The following FAT3 variants were observed in gnomAD, a reference collection of about 807,000 sequenced individuals.
FAT3 encodes FAT atypical cadherin 3, also known as protocadherin Fat 3.
Under a neutral mutation model 310.2 loss-of-function variants are expected in FAT3, and 95 were observed. The observed-to-expected ratio is 0.31, with a 90% CI of 0.26 to 0.36. FAT3 has a LOEUF of 0.36. Ranked by LOEUF, FAT3 falls within the 10% of genes least tolerant of loss-of-function variation. The probability of loss-of-function intolerance (pLI) is 1.00; values close to 1 mark genes in which losing one functional copy is unlikely to be tolerated. For missense variants in FAT3, 5,408 were observed against 5,715.6 expected (o/e 0.95, Z 1.74); for synonymous variants, 2,314 against 2,192.9 (o/e 1.06, Z -1.54).
At chr11:92,668,387 G>C (rs566150000) in intron 3 of FAT3, among the ~76,000 whole-genome samples, 3 of 152,308 alleles carry the variant, frequency 2.0e-5, no homozygotes, top group African/African-American at 7.2e-5. Flanking sequence ...GGAGATTCAG[G>C]ATAGGATATC....
Position 92,891,256 on chromosome 11 carries a change from C to G in FAT3, c.*143C>G. On this transcript the variant is annotated 3_prime_UTR_variant, in exon 28 of 28. Coordinates refer to ENST00000525166, the MANE Select transcript of FAT3 (RefSeq NM_001367949.2). The stretch of plus-strand genomic sequence containing the variant: ...ACTAGAAACTTCTTCACAAGTCATA[C>G]TGTCCCAACAAGCAAGCTTGATTCC... 8.7e-7 allele frequency: 1 copy of G among 1,150,766 alleles called. No individual in the cohort carries two copies. The highest frequency in any genetic ancestry group is 2.6e-5 in the East Asian group (1 of 38,730). 71.3% of individuals were successfully genotyped at this position (1,150,766 alleles called of 1,614,324 possible).
intron 1 of FAT3, among the ~76,000 whole-genome samples, chr11:92,337,582 C>T (rs1948122778): frequency 6.6e-6 from 1 of 152,178 alleles, no homozygotes; most frequent in African/African-American, 2.4e-5. Context: ...CAGCTGCCTG[C>T]CACCACGCCC....
intron 3 of FAT3, among the ~76,000 whole-genome samples, chr11:92,645,960 C>G (rs1041805460): frequency 3.3e-5 from 5 of 152,152 alleles, no homozygotes; most frequent in Non-Finnish European, 7.3e-5. Context: ...ATCATGTATT[C>G]TACTTCATTT....
intron 2 of FAT3, among the ~76,000 whole-genome samples, chr11:92,383,162 A>G (rs555422896): frequency 1.3e-4 from 20 of 152,324 alleles, no homozygotes; most frequent in South Asian, 4.1e-4. Flanking sequence ...TGCACAGGAC[A>G]TGATCTCGTT....
At chr11:92,559,484 A>C in intron 3 of FAT3, 1 of 380,222 alleles carries the variant, frequency 2.6e-6, no homozygotes, top group Non-Finnish European at 5.3e-6. Flanking sequence ...TCCTGGATTC[A>C]AGGGATACCC....
intron 3 of FAT3, among the ~76,000 whole-genome samples, chr11:92,561,965 C>T (rs545818074): frequency 1.3e-5 from 2 of 152,212 alleles, no homozygotes; most frequent in East Asian, 3.9e-4. Context: ...AAGAACGTCT[C>T]CTGCTCATGA....
chr11:92,745,691 A>T (rs571424225), intron 4 of FAT3, among the ~76,000 whole-genome samples: 117 of 152,262 alleles, frequency 7.7e-4, no homozygotes, highest in South Asian at 4.6e-3. Context: ...GCTGCTGCCA[A>T]AGTGAATTGG....
intron 3 of FAT3, among the ~76,000 whole-genome samples, chr11:92,659,674 C>T (rs969313075): frequency 2.0e-5 from 3 of 152,148 alleles, no homozygotes; most frequent in African/African-American, 7.2e-5. Context: ...TAGGTTCAGA[C>T]CCTCTAGAGC....
At chr11:92,660,760 A>T (rs1311409788) in intron 3 of FAT3, among the ~76,000 whole-genome samples, 1 of 152,208 alleles carries the variant, frequency 6.6e-6, no homozygotes, top group Non-Finnish European at 1.5e-5. Flanking sequence ...TGGCTTTGAG[A>T]CAAAGGTAAA....
chr11:92,442,112 T>TATATATATATATATATA (rs1491214555), intron 2 of FAT3, among the ~76,000 whole-genome samples: 1 of 9,934 alleles, frequency 1.0e-4, no homozygotes, highest in African/African-American at 2.1e-4. Context: ...TATATATATA[T>TATATATATATATATATA]TTTTTTTTTT....
intron 2 of FAT3, among the ~76,000 whole-genome samples, chr11:92,401,723 A>C (rs1429793029): frequency 6.6e-6 from 1 of 152,222 alleles, no homozygotes; most frequent in Non-Finnish European, 1.5e-5. Context: ...GAAAAGCTGC[A>C]AGGAACAGAC....
chr11:92,864,270 A>AAAACTTAGAGAGTTT (rs1949184668), intron 21 of FAT3, among the ~76,000 whole-genome samples: 1 of 152,106 alleles, frequency 6.6e-6, no homozygotes, highest in Non-Finnish European at 1.5e-5. Context: ...ACTTAGATAA[A>AAAACTTAGAGAGTTT]TTGCACTCTC....
At chr11:92,581,909 G>T (rs916637110) in intron 3 of FAT3, among the ~76,000 whole-genome samples, 5 of 152,082 alleles carry the variant, frequency 3.3e-5, no homozygotes, top group Non-Finnish European at 7.4e-5. Context: ...TGAGTCCATA[G>T]AGTAAAGTGA....
chr11:92,623,448 A>G (rs1681866264), intron 3 of FAT3, among the ~76,000 whole-genome samples: 2 of 152,198 alleles, frequency 1.3e-5, no homozygotes, highest in Admixed American at 6.5e-5. Flanking sequence ...CTGGTCTTAA[A>G]TCAGTTAGAT....
intron 3 of FAT3, among the ~76,000 whole-genome samples, chr11:92,629,290 C>T (rs746027590): frequency 6.6e-6 from 1 of 152,072 alleles, no homozygotes; most frequent in Non-Finnish European, 1.5e-5. Flanking sequence ...TAAAGGGAAA[C>T]TGAAAGAAGA....
At chr11:92,262,106 T>TAACACAG (rs1467794111) in intron 1 of FAT3, among the ~76,000 whole-genome samples, 1 of 152,046 alleles carries the variant, frequency 6.6e-6, no homozygotes, top group Non-Finnish European at 1.5e-5. Context: ...AGCTTTCACT[T>TAACACAG]AACACAGAGG....
At chr11:92,585,624 T>C (rs1433953538) in intron 3 of FAT3, among the ~76,000 whole-genome samples, 2 of 152,034 alleles carry the variant, frequency 1.3e-5, no homozygotes, top group African/African-American at 4.8e-5. Context: ...GATGGATACA[T>C]GATTGTTGTT....
rs1452491043 is a variant in FAT3 at position 92,799,855 on chromosome 11, A to G, written c.6842A>G (p.Asn2281Ser). ...GTTGACTTGCTAGTTAATGATGTAA[A>G]TGACAACCCCCCTATTTTCGATCAG... is the stretch of plus-strand genomic sequence containing the variant. Reference protein sequence around the residue: ...VTVDLLVNDVNDNPPIFDQPT... With the variant: ...VTVDLLVNDVSDNPPIFDQPT... Residue 2281 changes from asparagine (N) to serine (S), a missense_variant, in exon 10 of 28, where the codon AAT (asparagine) becomes AGT (serine). This residue lies in a region of FAT3 where 4,588 missense variants were observed against 4,809.8 expected (regional missense o/e 0.95). Transcript: ENST00000525166. The G allele has an allele frequency of 3.1e-6, 5 of 1,613,332 alleles. No individual in the cohort carries two copies. In the Admixed American group the frequency reaches 5.0e-5, roughly 16 times the overall value.
chr11:92,356,864 A>C (rs1948746898), intron 2 of FAT3, among the ~76,000 whole-genome samples: 1 of 152,102 alleles, frequency 6.6e-6, no homozygotes, highest in Non-Finnish European at 1.5e-5. Flanking sequence ...GATTTAAGAA[A>C]CTATATTAAA....
Sources: gnomAD v4.1 joint callset for allele counts (sites outside exome capture counted in the v4.1 genomes callset) on GRCh38, gnomAD v4.1.1 for gene constraint, gnomAD v4.1.1 regional missense constraint, MANE v1.5 for transcripts, NCBI Gene and HGNC (gene_info 2026-07-23, HGNC 2026-07-21) for gene names.